The following DZANK1 variants were observed in gnomAD, a reference collection of about 807,000 sequenced individuals.
DZANK1 encodes the protein double zinc ribbon and ankyrin repeat domains 1.
A neutral mutation model predicts 94.5 loss-of-function variants in DZANK1; 91 were observed. That is an observed-to-expected ratio of 0.96 (90% CI 0.81 to 1.15). DZANK1 has a LOEUF of 1.15. DZANK1 is among the 50% of genes most tolerant of loss of function. The probability of loss-of-function intolerance (pLI) is 0.00; values close to 1 mark genes in which losing one functional copy is unlikely to be tolerated. For synonymous variants in DZANK1, 312 were observed against 325.3 expected (o/e 0.96, Z 0.44); for missense variants, 903 against 916.4 (o/e 0.99, Z 0.19).
intron 10 of DZANK1, among the ~76,000 whole-genome samples, chr20:18,426,715 T>C (rs932071569): frequency 2.6e-5 from 4 of 152,088 alleles, no homozygotes; most frequent in Non-Finnish European, 5.9e-5. Context: ...ACGAAGACAA[T>C]GGACTATGGG....
intron 7 of DZANK1, 119 bp downstream of exon 7, chr20:18,448,865 T>TAAA: frequency 3.1e-6 from 2 of 650,310 alleles, no homozygotes; most frequent in African/African-American, 4.2e-5. Context: ...AGACTCCGTC[T>TAAA]CAAAAAAAAA....
chr20:18,433,595 C>T lies in DZANK1; in HGVS notation c.861+57G>A, dbSNP rs2058376921. The stretch of plus-strand genomic sequence containing the variant: ...CCACTAGCTGAAAAAGGACATATAC[C>T]TGTTCAAACATTACTATGTATTTCA... On this transcript the variant is annotated intron_variant, in intron 9 of 20. Coordinates refer to ENST00000262547, the Ensembl canonical transcript of DZANK1. The T allele has an allele frequency of 4.6e-6, 7 of 1,520,570 alleles. No homozygotes were observed. The South Asian group carries it at 7.9e-5, about 17-fold the overall frequency. The allele number at this position is 1,520,570 out of a possible 1,614,324, so 94.2% of individuals were successfully genotyped here.
At chr20:18,419,524 TC>T (rs2057670613) in intron 10 of DZANK1, among the ~76,000 whole-genome samples, 2 of 151,720 alleles carry the variant, frequency 1.3e-5, no homozygotes, top group South Asian at 4.1e-4. Flanking sequence ...AAAGAGCAAA[TC>T]TTAAAAGCAG....
In DZANK1 at chr20:18,420,494, T is replaced by C. The variant is rs114504342; in HGVS notation, c.955-5045A>G. On this transcript the variant is annotated intron_variant, in intron 10 of 20. Transcript: ENST00000262547. ...TCGGATGATGGCCTAGAGATACTTA[T>C]CTGGGCTGTCTGTGCCTCGCACCCA... 8.2e-3 allele frequency: 1,433 copies of C among 173,708 alleles called. 26 individuals carry two copies. Among genetic ancestry groups the C allele is most frequent in the African/African-American group, 0.032 (1,351 of 42,454 alleles). 10.8% of individuals were successfully genotyped at this position (173,708 alleles called of 1,614,324 possible).
At chr20:18,452,903 A>C (rs1490937537) in intron 5 of DZANK1, among the ~76,000 whole-genome samples, 164 bp from the exon 6 acceptor site, 1 of 152,216 alleles carries the variant, frequency 6.6e-6, no homozygotes. Context: ...CACTCAATGC[A>C]TTAGAAGTGA....
chr20:18,397,004 A>G (rs2056380711), intron 14 of DZANK1, among the ~76,000 whole-genome samples: 2 of 152,326 alleles, frequency 1.3e-5, no homozygotes, highest in South Asian at 4.1e-4. Flanking sequence ...AAGCCAAGGG[A>G]CAAGAAATGT....
chr20:18,391,276 C>T (rs2055967220), intron 17 of DZANK1, among the ~76,000 whole-genome samples: 3 of 152,128 alleles, frequency 2.0e-5, no homozygotes, highest in Admixed American at 2.0e-4. Flanking sequence ...CTCTGTCACC[C>T]AGGCTGGAAT....
chr20:18,395,423 T>C (rs908242332), intron 15 of DZANK1, among the ~76,000 whole-genome samples: 14 of 152,126 alleles, frequency 9.2e-5, no homozygotes, highest in Non-Finnish European at 1.9e-4. Flanking sequence ...GTTACTCCAA[T>C]TCTACTTGTG....
intron 9 of DZANK1, among the ~76,000 whole-genome samples, chr20:18,431,809 T>C (rs1490061147): frequency 6.6e-6 from 1 of 152,204 alleles, no homozygotes; most frequent in Non-Finnish European, 1.5e-5. Context: ...CACCCCAGCA[T>C]TGTTGCAGCC....
At chr20:18,396,980 T>C (rs117083624) in intron 14 of DZANK1, among the ~76,000 whole-genome samples, 1,858 of 152,258 alleles carry the variant, frequency 0.012, 20 homozygotes, top group Non-Finnish European at 0.019. Context: ...TAAGTAGCAA[T>C]AGGAATTTAG....
chr20:18,441,979 T>G lies in DZANK1; in HGVS notation c.747+1368A>C, dbSNP rs2058728919. On this transcript the variant is annotated intron_variant, in intron 8 of 20. Coordinates refer to ENST00000262547, the Ensembl canonical transcript of DZANK1. The surrounding 1 kb of genome is among the most constrained non-coding windows in gnomAD (Gnocchi z 4.1). ...GCAAAGAGACAGGAGAGCACACACC[T>G]CTGCATCTCTTTACTGAGACTCTCT... is the stretch of plus-strand genomic sequence containing the variant. 6.6e-6 allele frequency among the ~76,000 whole-genome samples: 1 copy of G among 152,210 alleles called. No individual in the cohort carries two copies. The highest frequency in any genetic ancestry group is 2.4e-5 in the African/African-American group (1 of 41,452).
At chr20:18,413,667 C>G (rs1410059555) in intron 12 of DZANK1, among the ~76,000 whole-genome samples, 1 of 152,100 alleles carries the variant, frequency 6.6e-6, no homozygotes, top group East Asian at 1.9e-4. Context: ...GTAATCCTAG[C>G]TACTCAGGAG....
intron 12 of DZANK1, among the ~76,000 whole-genome samples, chr20:18,413,549 C>T (rs971015670): frequency 3.9e-5 from 6 of 151,922 alleles, no homozygotes; most frequent in Admixed American, 3.9e-4. Context: ...TGGGAGGCCA[C>T]GGTGGGTGGA....
At chr20:18,459,811 G>A (rs1021503880) in intron 3 of DZANK1, among the ~76,000 whole-genome samples, 3 of 152,104 alleles carry the variant, frequency 2.0e-5, no homozygotes, top group Non-Finnish European at 4.4e-5. Flanking sequence ...GAGCCACTCC[G>A]CGAACACAGT....
intron 10 of DZANK1, among the ~76,000 whole-genome samples, chr20:18,419,083 A>G (rs1341309555): frequency 6.6e-6 from 1 of 152,046 alleles, no homozygotes; most frequent in Non-Finnish European, 1.5e-5. Context: ...CCAACATGGT[A>G]AATCCTCGTT....
chr20:18,394,564 C>A, intron 15 of DZANK1: 1 of 682,702 alleles, frequency 1.5e-6, no homozygotes, highest in Non-Finnish European at 2.7e-6. Context: ...AGTCTGGCCC[C>A]TCCTCCTCTC....
At chr20:18,444,492 T>TC (rs989718227) in intron 7 of DZANK1, among the ~76,000 whole-genome samples, 1 of 152,114 alleles carries the variant, frequency 6.6e-6, no homozygotes, top group African/African-American at 2.4e-5. Flanking sequence ...TTGCAGAGGG[T>TC]CACCCTCAAG....
At chr20:18,462,939 A>T (rs1299475748) in intron 2 of DZANK1, among the ~76,000 whole-genome samples, 1 of 54 alleles carries the variant, frequency 0.019, no homozygotes, top group East Asian at 0.5. Flanking sequence ...CTCGGTCTTA[A>T]AAAAAAAAAA....
intron 8 of DZANK1, among the ~76,000 whole-genome samples, chr20:18,436,417 C>T (rs2058524041): frequency 2.3e-5 from 3 of 132,964 alleles, no homozygotes; most frequent in Admixed American, 8.6e-5. Context: ...GCACTCCAGC[C>T]TGGGGGACAG....
Sources: gnomAD v4.1 joint callset for allele counts (sites outside exome capture counted in the v4.1 genomes callset) on GRCh38, gnomAD v4.1.1 for gene constraint, Gnocchi (gnomAD v3.1) non-coding constraint, MANE v1.5 for transcripts, NCBI Gene and HGNC (gene_info 2026-07-23, HGNC 2026-07-21) for gene names.